The following PDE10A variants were observed in gnomAD, a reference collection of about 807,000 sequenced individuals.
PDE10A encodes the protein cAMP and cAMP-inhibited cGMP 3',5'-cyclic phosphodiesterase 10A.
Under a neutral mutation model 97.7 loss-of-function variants are expected in PDE10A, and 39 were observed. That is an observed-to-expected ratio of 0.40 (90% CI 0.31 to 0.52). The LOEUF (loss-of-function observed/expected upper bound fraction) is 0.52, where lower values mean the gene tolerates loss of function less well. Among genes scored for constraint, PDE10A ranks in the 20% least tolerant of loss-of-function variants. The pLI is 0.56. For missense variants in PDE10A, 731 were observed against 1,047.8 expected (o/e 0.70, Z 4.17); for synonymous variants, 371 against 376.8 (o/e 0.98, Z 0.18).
intron 2 of PDE10A, among the ~76,000 whole-genome samples, chr6:165,507,403 A>C (rs552578726): frequency 1.3e-5 from 2 of 152,100 alleles, no homozygotes; most frequent in Non-Finnish European, 2.9e-5. Context: ...AGGATTAAAT[A>C]AGCTAACACA....
At chr6:165,736,753 TA>T (rs1305965968) in intron 1 of PDE10A, among the ~76,000 whole-genome samples, 2 of 151,922 alleles carry the variant, frequency 1.3e-5, no homozygotes, top group African/African-American at 4.8e-5. Context: ...TTCAAGGAAC[TA>T]AAAAAGAACA....
chr6:165,791,573 C>T (rs1053166786), intron 1 of PDE10A, among the ~76,000 whole-genome samples: 1 of 152,122 alleles, frequency 6.6e-6, no homozygotes, highest in Non-Finnish European at 1.5e-5. Flanking sequence ...TTCTGAGACA[C>T]CTGAAGTGAC....
chr6:165,364,367 A>G (rs954718293), intron 18 of PDE10A, among the ~76,000 whole-genome samples: 1 of 152,170 alleles, frequency 6.6e-6, no homozygotes, highest in Non-Finnish European at 1.5e-5. Flanking sequence ...TAGGAACCAG[A>G]AAACAGGCCC....
intron 1 of PDE10A, among the ~76,000 whole-genome samples, chr6:165,624,135 T>C (rs1370821256): frequency 6.6e-6 from 1 of 152,236 alleles, no homozygotes; most frequent in African/African-American, 2.4e-5. Context: ...CATCAAGCTT[T>C]GAGTCATATC....
At chr6:165,878,514 T>C (rs1027986670) in intron 1 of PDE10A, among the ~76,000 whole-genome samples, 3 of 152,234 alleles carry the variant, frequency 2.0e-5, no homozygotes, top group East Asian at 3.8e-4. Context: ...GAAGCCTCGA[T>C]GATAAGGACA....
At chr6:165,336,026 C>A (rs1781624027) in intron 21 of PDE10A, 97 bp downstream of exon 21, 2 of 964,936 alleles carry the variant, frequency 2.1e-6, no homozygotes, top group Admixed American at 1.9e-5. Flanking sequence ...TCTAGACAAA[C>A]ACACAGACCA....
chr6:165,400,247 A>C (rs754476309), intron 13 of PDE10A, among the ~76,000 whole-genome samples: 4 of 152,134 alleles, frequency 2.6e-5, no homozygotes, highest in Non-Finnish European at 4.4e-5. Context: ...AGAAAAAAAA[A>C]ACAGAGGAGA....
At chr6:165,613,315 G>A (rs1003022730) in intron 1 of PDE10A, among the ~76,000 whole-genome samples, 3 of 152,058 alleles carry the variant, frequency 2.0e-5, no homozygotes. Context: ...TTGGGGACAC[G>A]GAGGAAGCCA....
At chr6:165,616,939 C>A (rs1787752057) in intron 1 of PDE10A, among the ~76,000 whole-genome samples, 1 of 152,200 alleles carries the variant, frequency 6.6e-6, no homozygotes, top group Non-Finnish European at 1.5e-5. Context: ...TGGCAAACTT[C>A]TCTTGAATCC....
intron 1 of PDE10A, among the ~76,000 whole-genome samples, chr6:165,900,076 C>T (rs1782062012): frequency 6.6e-6 from 1 of 152,148 alleles, no homozygotes; most frequent in African/African-American, 2.4e-5. Flanking sequence ...CCCTGCAGCC[C>T]CTTGCCCTGT....
chr6:165,915,490 C>T (rs926350747), intron 1 of PDE10A, among the ~76,000 whole-genome samples: 13 of 152,164 alleles, frequency 8.5e-5, no homozygotes, highest in African/African-American at 2.9e-4. Flanking sequence ...ACAGTGCAGC[C>T]CACGGTCTCT....
intron 5 of PDE10A, among the ~76,000 whole-genome samples, chr6:165,436,971 A>T (rs1562466247): frequency 6.6e-6 from 1 of 152,200 alleles, no homozygotes. Context: ...ATTTAGAATG[A>T]AGAAAAATTG....
chr6:165,526,089 T>G (rs1179357564), intron 2 of PDE10A, among the ~76,000 whole-genome samples: 4 of 152,152 alleles, frequency 2.6e-5, no homozygotes, highest in African/African-American at 9.7e-5. Context: ...GTTTATGCGG[T>G]GAATCTTTCT....
rs1356067252 is a variant in PDE10A at position 165,655,476 on chromosome 6, CCT to C, written c.865+6469_865+6470del. Reference sequence around the variant, plus strand: ...AAAACCCAGGCATGGATTCTTGATTCCTCTCTCTCCCTTGACGTCCCCATATC... The same window carrying C: ...AAAACCCAGGCATGGATTCTTGATTCCTCTCTCCCTTGACGTCCCCATATC... On this transcript the variant is annotated intron_variant, in intron 1 of 21. Coordinates refer to ENST00000539869, the MANE Select transcript of PDE10A (RefSeq NM_001385079.1). The surrounding 1 kb of genome is among the most constrained non-coding windows in gnomAD (Gnocchi z 4.5). Among the ~76,000 whole-genome samples the C allele has an allele frequency of 6.6e-6, 1 of 151,268 alleles. No individual in the cohort carries two copies. The highest frequency in any genetic ancestry group is 2.4e-5 in the African/African-American group (1 of 41,046).
At chr6:165,471,954 G>C (rs1329467239) in intron 3 of PDE10A, among the ~76,000 whole-genome samples, 1 of 151,854 alleles carries the variant, frequency 6.6e-6, no homozygotes, top group African/African-American at 2.4e-5. Flanking sequence ...TTTCTCTTTT[G>C]TTTAATACAC....
chr6:165,880,895 T>C (rs1220441623), intron 1 of PDE10A, among the ~76,000 whole-genome samples: 1 of 152,250 alleles, frequency 6.6e-6, no homozygotes, highest in Non-Finnish European at 1.5e-5. Context: ...GTTAAATCCA[T>C]GTGCATTTCG....
chr6:165,868,092 C>T (rs1368782361), intron 1 of PDE10A, among the ~76,000 whole-genome samples: 1 of 151,818 alleles, frequency 6.6e-6, no homozygotes, highest in Non-Finnish European at 1.5e-5. Flanking sequence ...TTCAAATAAA[C>T]AAACTAACAA....
rs1321691817 is a variant in PDE10A at position 165,552,640 on chromosome 6, C to T, written c.866-9072G>A. Among the ~76,000 whole-genome samples the T allele has an allele frequency of 4.6e-5, 7 of 152,154 alleles. No homozygotes were observed. In the East Asian group the frequency reaches 5.8e-4, roughly 13 times the overall value. ...ACTGCTGGAGGAATGAAGGTATCCT[C>T]GGAAGCCTGTGCCAAGTCTCTCCTG... On this transcript the variant is annotated intron_variant, in intron 1 of 21. Coordinates refer to ENST00000539869, the MANE Select transcript of PDE10A (RefSeq NM_001385079.1).
At chr6:165,750,314 G>C (rs990610279) in intron 1 of PDE10A, among the ~76,000 whole-genome samples, 16 of 152,200 alleles carry the variant, frequency 1.1e-4, no homozygotes, top group Non-Finnish European at 2.4e-4. Context: ...GTCAGACATT[G>C]ACAACTGAAA....
Sources: allele counts gnomAD v4.1 joint callset (sites outside exome capture counted in the v4.1 genomes callset), GRCh38; gene constraint gnomAD v4.1.1; non-coding constraint Gnocchi (gnomAD v3.1); transcripts MANE v1.5; gene names NCBI Gene and HGNC (gene_info 2026-07-23, HGNC 2026-07-21).